LEKR1: variants seen among roughly 807,000 people sequenced by gnomAD.
LEKR1 encodes the protein leucine, glutamate and lysine rich 1.
In LEKR1, 59 loss-of-function variants were observed where a neutral mutation model predicts 72.4. The ratio of observed to expected loss-of-function variants is 0.82; its 90% CI spans 0.66 to 1.01. The LOEUF (loss-of-function observed/expected upper bound fraction) is 1.01. LEKR1 is among the 50% of genes least tolerant of loss of function. The pLI is 0.00. For synonymous variants in LEKR1, 257 were observed against 263.2 expected (o/e 0.98, Z 0.23); for missense variants, 728 against 759.2 (o/e 0.96, Z 0.48).
At chr3:156,960,437 C>A (rs1728015469) in intron 6 of LEKR1, among the ~76,000 whole-genome samples, 1 of 152,072 alleles carries the variant, frequency 6.6e-6, no homozygotes, top group Non-Finnish European at 1.5e-5. Flanking sequence ...AGACATGCGC[C>A]ACCAAGCCTG....
chr3:156,943,698 CAGAAG>C (rs1726435623), intron 6 of LEKR1, among the ~76,000 whole-genome samples: 1 of 151,690 alleles, frequency 6.6e-6, no homozygotes, highest in South Asian at 2.1e-4. Flanking sequence ...TGAGTAAACA[CAGAAG>C]AGAAGGAAGT....
intron 9 of LEKR1, among the ~76,000 whole-genome samples, chr3:157,011,159 T>C (rs1192256486): frequency 1.3e-5 from 2 of 152,164 alleles, no homozygotes; most frequent in African/African-American, 4.8e-5. Context: ...ATGTAGTTAA[T>C]GTTTATTGCC....
intron 6 of LEKR1, among the ~76,000 whole-genome samples, chr3:156,965,340 T>A (rs143714784): frequency 0.017 from 2,618 of 152,262 alleles, 33 homozygotes; most frequent in Non-Finnish European, 0.024. Context: ...TGTTTTAATG[T>A]TAAGATTAAA....
rs188865712 is a variant in LEKR1, at chr3:156,938,978, G to A, written c.560-3551G>A. On this transcript the variant is annotated intron_variant, in intron 5 of 12. Coordinates refer to ENST00000356539, the MANE Select transcript of LEKR1 (RefSeq NM_001004316.3). Reference sequence around the variant, plus strand: ...GTAATAATTGTACTTGCGTTAGCTAGTGAATTATGTGATAACACTTATTCT... The same window carrying A: ...GTAATAATTGTACTTGCGTTAGCTAATGAATTATGTGATAACACTTATTCT... Among the ~76,000 whole-genome samples the A allele has an allele frequency of 2.0e-5, 3 of 152,296 alleles. No homozygotes were observed. In the East Asian group the frequency reaches 5.8e-4, roughly 29 times the overall value.
At chr3:156,966,873 C>T (rs556348057) in intron 6 of LEKR1, among the ~76,000 whole-genome samples, 11 of 152,248 alleles carry the variant, frequency 7.2e-5, no homozygotes, top group African/African-American at 2.4e-4. Flanking sequence ...CTGGGAGGCA[C>T]CCCCCAGTAG....
At chr3:156,909,543 C>T (rs555887796) in intron 3 of LEKR1, among the ~76,000 whole-genome samples, 3 of 151,228 alleles carry the variant, frequency 2.0e-5, no homozygotes, top group African/African-American at 7.3e-5. Context: ...CCCAGCTACT[C>T]AGGAGGCTGA....
rs141000542 is a variant in LEKR1, at chr3:156,988,208, G to A, written c.828-4445G>A. 5.0e-4 allele frequency: 99 copies of A among 198,590 alleles called. 1 individual carries two copies. The East Asian group carries it at 0.012, about 24-fold the overall frequency. 12.3% of individuals were successfully genotyped at this position (198,590 alleles called of 1,614,324 possible). On this transcript the variant is annotated intron_variant, in intron 7 of 12. Coordinates refer to ENST00000356539, the MANE Select transcript of LEKR1 (RefSeq NM_001004316.3). ...TGGAAAGTTGCCTGCTTCTCAAAGC[G>A]CTGCCACCAACAGACAAAGGCCTCC...
At chr3:157,010,570 T>C (rs1732812119) in intron 9 of LEKR1, among the ~76,000 whole-genome samples, 1 of 151,954 alleles carries the variant, frequency 6.6e-6, no homozygotes, top group South Asian at 2.1e-4. Context: ...AGAGTGATGA[T>C]GAAAAACAAA....
chr3:156,966,301 C>A (rs1359612341), intron 6 of LEKR1, among the ~76,000 whole-genome samples: 2 of 152,040 alleles, frequency 1.3e-5, no homozygotes, highest in Non-Finnish European at 2.9e-5. Flanking sequence ...GGGTGCAGCA[C>A]ACCGAGTGTG....
intron 3 of LEKR1, among the ~76,000 whole-genome samples, chr3:156,879,132 G>A (rs1718975390): frequency 6.6e-6 from 1 of 152,162 alleles, no homozygotes; most frequent in Non-Finnish European, 1.5e-5. Flanking sequence ...AGAGGTTGGA[G>A]CATTAGGAAG....
chr3:156,976,752 G>C (rs932487230), intron 6 of LEKR1, among the ~76,000 whole-genome samples: 2 of 152,156 alleles, frequency 1.3e-5, no homozygotes, highest in Non-Finnish European at 2.9e-5. Flanking sequence ...TCAAGTGTGA[G>C]AGATATAAGA....
At chr3:156,924,019 G>A (rs530495237) in intron 4 of LEKR1, among the ~76,000 whole-genome samples, 13 of 152,244 alleles carry the variant, frequency 8.5e-5, no homozygotes, top group Admixed American at 1.3e-4. Context: ...GAGCTACCGC[G>A]CCCTGCCAAT....
At chr3:156,972,375 G>A (rs1729291397) in intron 6 of LEKR1, among the ~76,000 whole-genome samples, 1 of 152,036 alleles carries the variant, frequency 6.6e-6, no homozygotes, top group Non-Finnish European at 1.5e-5. Context: ...GATAGCATTA[G>A]GAGATATACC....
intron 9 of LEKR1, among the ~76,000 whole-genome samples, chr3:157,000,059 C>T (rs1276622408): frequency 6.6e-6 from 1 of 152,142 alleles, no homozygotes; most frequent in Non-Finnish European, 1.5e-5. Flanking sequence ...AACACTGAGT[C>T]TTTAGGAGAC....
intron 6 of LEKR1, among the ~76,000 whole-genome samples, chr3:156,960,869 T>C (rs1728068687): frequency 6.6e-6 from 1 of 152,200 alleles, no homozygotes; most frequent in South Asian, 2.1e-4. Flanking sequence ...TGAAGATTTA[T>C]TTACCTAAGT....
At chr3:156,961,817 ACCTT>A (rs1352373599) in intron 6 of LEKR1, among the ~76,000 whole-genome samples, 1 of 152,154 alleles carries the variant, frequency 6.6e-6, no homozygotes, top group Admixed American at 6.5e-5. Flanking sequence ...TTTCTTACCT[ACCTT>A]AATACATTAG....
At chr3:156,880,979 A>G (rs1719249203) in intron 3 of LEKR1, among the ~76,000 whole-genome samples, 3 of 152,218 alleles carry the variant, frequency 2.0e-5, no homozygotes, top group Admixed American at 1.3e-4. Flanking sequence ...TCAATAAATT[A>G]GGTATTGATG....
intron 3 of LEKR1, among the ~76,000 whole-genome samples, chr3:156,911,846 T>C (rs1723138678): frequency 6.6e-6 from 1 of 152,130 alleles, no homozygotes; most frequent in Non-Finnish European, 1.5e-5. Flanking sequence ...TTCTCTATTC[T>C]GTTCCATTGG....
At chr3:156,918,182 C>T (rs1723834040) in intron 3 of LEKR1, among the ~76,000 whole-genome samples, 1 of 152,006 alleles carries the variant, frequency 6.6e-6, no homozygotes, top group Non-Finnish European at 1.5e-5. Flanking sequence ...ATAAAAAGTG[C>T]TGATTTAACT....
Sources: gnomAD v4.1 joint callset for allele counts (sites outside exome capture counted in the v4.1 genomes callset) on GRCh38, gnomAD v4.1.1 for gene constraint, MANE v1.5 for transcripts, NCBI Gene and HGNC (gene_info 2026-07-23, HGNC 2026-07-21) for gene names.